Variants in PUDP observed in about 807,000 individuals in gnomAD.
The protein encoded by PUDP is pseudouridine 5'-phosphatase, also known as pseudouridine-5'-phosphatase.
Under a neutral mutation model 9.4 loss-of-function variants are expected in PUDP, and 8 were observed. The ratio of observed to expected loss-of-function variants is 0.85; its 90% CI spans 0.50 to 1.53. PUDP has a LOEUF of 1.53. Ranked by LOEUF, PUDP falls within the 40% of genes most tolerant of loss-of-function variation. PUDP has a pLI of 0.00. For missense variants in PUDP, 188 were observed against 189.7 expected, an observed-to-expected ratio of 0.99 and a Z score of 0.05; for synonymous variants, 99 against 80.7, an observed-to-expected ratio of 1.23 and a Z score of -1.22.
At chrX:7,117,858 C>T (rs1932238701) in intron 1 of PUDP, among the ~76,000 whole-genome samples, 1 of 113,125 alleles carries the variant, frequency 8.8e-6, no homozygotes, top group African/African-American at 3.2e-5. Context: ...ACGCCCAGGG[C>T]CCAGCTGCCT....
intron 3 of PUDP, among the ~76,000 whole-genome samples, chrX:6,769,912 C>T (rs974191998): frequency 8.9e-6 from 1 of 112,142 alleles, no homozygotes; most frequent in African/African-American, 3.2e-5. Flanking sequence ...ACAACCTAAA[C>T]GGGGGATAAA....
chrX:7,065,398 T>C (rs1930521546), intron 3 of PUDP, among the ~76,000 whole-genome samples: 1 of 112,151 alleles, frequency 8.9e-6, no homozygotes, highest in Non-Finnish European at 1.9e-5. Flanking sequence ...GAGTTTTACA[T>C]GTTAATATTT....
At chrX:6,832,683 G>C (rs189644313) in intron 3 of PUDP, among the ~76,000 whole-genome samples, 33 of 111,846 alleles carry the variant, frequency 3.0e-4, no homozygotes, top group African/African-American at 8.4e-4. Context: ...CAACCCAATA[G>C]AGAAGCTAAG....
At chrX:7,032,902 G>C (rs765760449) in intron 1 of PUDP, among the ~76,000 whole-genome samples, 2 of 112,038 alleles carry the variant, frequency 1.8e-5, no homozygotes, top group East Asian at 5.6e-4. Context: ...GTGTCAACTT[G>C]ATTGGATTGA....
At chrX:6,769,835 G>A (rs779526835) in intron 3 of PUDP, among the ~76,000 whole-genome samples, 1 of 112,066 alleles carries the variant, frequency 8.9e-6, no homozygotes, top group African/African-American at 3.2e-5. Context: ...TTGATGGCGA[G>A]AAAATATTAA....
At chrX:7,020,835 G>T (rs1160692240) in intron 1 of PUDP, among the ~76,000 whole-genome samples, 1 of 112,800 alleles carries the variant, frequency 8.9e-6, no homozygotes, top group African/African-American at 3.2e-5. Context: ...AAGTGTGTGG[G>T]TGATCCCAGT....
intron 1 of PUDP, among the ~76,000 whole-genome samples, chrX:7,004,032 C>T (rs762969368): frequency 9.1e-6 from 1 of 110,225 alleles, no homozygotes; most frequent in Non-Finnish European, 1.9e-5. Flanking sequence ...CACACCACCA[C>T]GCACGCTTAA....
chrX:6,751,106 C>T (rs1390294196), intron 3 of PUDP, among the ~76,000 whole-genome samples: 6 of 107,403 alleles, frequency 5.6e-5, no homozygotes, highest in African/African-American at 1.4e-4. Flanking sequence ...TGTGCCACTG[C>T]ACTCCAGCCT....
At chrX:7,048,477 C>T (rs958150462), downstream of PUDP, among the ~76,000 whole-genome samples, 1 of 112,172 alleles carries the variant, frequency 8.9e-6, no homozygotes, top group Non-Finnish European at 1.9e-5. Context: ...TAAAAAAGAA[C>T]GTATGTGCTT....
At chrX:7,048,050 T>C (rs1259175970), downstream of PUDP, among the ~76,000 whole-genome samples, 4 of 112,124 alleles carry the variant, frequency 3.6e-5, no homozygotes, top group Non-Finnish European at 7.5e-5. Flanking sequence ...TATTTTTTTA[T>C]ATAAAACACC....
chrX:6,907,776 C>T (rs1348944289), intron 3 of PUDP, among the ~76,000 whole-genome samples: 2 of 111,874 alleles, frequency 1.8e-5, no homozygotes, highest in East Asian at 2.8e-4. Context: ...AACCTCTCTC[C>T]AGCTTCACTG....
rs189704232 is a variant in PUDP at position 6,989,512 on chromosome X, G to A, written c.205-11169C>T. On this transcript the variant is annotated intron_variant and NMD_transcript_variant, in intron 1 of 3. Coordinates refer to the PUDP transcript ENST00000655425. The stretch of plus-strand genomic sequence containing the variant: ...TTTGTCTGACTACAACATTCAAGAG[G>A]AGTCCACTCTTCATCATGTGTTGAG... 252 of 157,243 alleles carry A rather than the reference G, an allele frequency of 1.6e-3. 2 individuals carry two copies. The highest frequency in any genetic ancestry group is 1.2e-3 in the Non-Finnish European group (88 of 75,890). 13.0% of individuals were successfully genotyped at this position (157,243 alleles called of 1,213,427 possible). A position where few individuals can be genotyped will look rare whatever the true frequency, so the allele number is the denominator to read the frequency against.
At chrX:7,136,009 T>C (rs763619651) in intron 1 of PUDP, among the ~76,000 whole-genome samples, 1 of 111,544 alleles carries the variant, frequency 9.0e-6, no homozygotes, top group South Asian at 3.8e-4. Context: ...CTTTTATAGA[T>C]TTTTTTCCCC....
intron 3 of PUDP, among the ~76,000 whole-genome samples, chrX:6,812,057 G>A: frequency 8.9e-6 from 1 of 112,368 alleles, no homozygotes. Context: ...CAACATGGTT[G>A]GAACAAAGTC....
chrX:6,722,358 T>G (rs1307598954), upstream of PUDP, among the ~76,000 whole-genome samples: 5 of 108,306 alleles, frequency 4.6e-5, no homozygotes, highest in Admixed American at 5.0e-4. Context: ...GGCACAAGAA[T>G]CACTTGAACC....
At chrX:6,950,406 CT>C (rs768745445) in intron 3 of PUDP, among the ~76,000 whole-genome samples, 23,821 of 68,170 alleles carry the variant, frequency 0.35, 3,242 homozygotes, top group Non-Finnish European at 0.43. Context: ...TTAGTCATTT[CT>C]TTTTTTTTTT....
At chrX:7,022,982 G>A (rs1054040779) in intron 1 of PUDP, among the ~76,000 whole-genome samples, 21 of 111,381 alleles carry the variant, frequency 1.9e-4, no homozygotes, top group African/African-American at 6.5e-4. Context: ...TCTGGGGAAA[G>A]AACCATCTGA....
At chrX:6,730,681 C>G (rs1924798758) in intron 3 of PUDP, among the ~76,000 whole-genome samples, 2 of 112,243 alleles carry the variant, frequency 1.8e-5, no homozygotes, top group South Asian at 7.4e-4. Flanking sequence ...TCTGCTGAAT[C>G]TTGTTGAATA....
At chrX:6,830,307 G>A (rs755656747) in intron 3 of PUDP, among the ~76,000 whole-genome samples, 9 of 110,264 alleles carry the variant, frequency 8.2e-5, no homozygotes, top group South Asian at 3.9e-4. Context: ...GGCATTTTTC[G>A]TTTTCTGAAG....
Sources: gnomAD v4.1 joint callset for allele counts (sites outside exome capture counted in the v4.1 genomes callset) on GRCh38, gnomAD v4.1.1 for gene constraint, MANE v1.5 for transcripts, NCBI Gene and HGNC (gene_info 2026-07-23, HGNC 2026-07-21) for gene names.